ARMH3: variants seen among roughly 807,000 people sequenced by gnomAD.
ARMH3 encodes the protein armadillo-like helical domain-containing protein 3.
In ARMH3, 60 loss-of-function variants were observed where a neutral mutation model predicts 99.1. The observed-to-expected ratio is 0.61, with a 90% CI of 0.49 to 0.75. The LOEUF (loss-of-function observed/expected upper bound fraction) is 0.75, where lower values mean the gene tolerates loss of function less well. ARMH3 is among the 30% of genes least tolerant of loss of function. The pLI is 0.00. For missense variants in ARMH3, 679 were observed against 843.1 expected, an observed-to-expected ratio of 0.81 and a Z score of 2.41; for synonymous variants, 285 against 292.8, an observed-to-expected ratio of 0.97 and a Z score of 0.27.
intron 19 of ARMH3, among the ~76,000 whole-genome samples, chr10:101,982,216 AC>A (rs1471097428): frequency 6.7e-6 from 1 of 150,016 alleles, no homozygotes; most frequent in Non-Finnish European, 1.5e-5. Flanking sequence ...TGCCATCTCT[AC>A]CAAAAAAAAA....
chr10:101,936,018 C>T (rs1270260247), intron 23 of ARMH3, among the ~76,000 whole-genome samples: 7 of 152,142 alleles, frequency 4.6e-5, no homozygotes, highest in Non-Finnish European at 1.0e-4. Flanking sequence ...AGGCAGCACT[C>T]ATTACCATTG....
intron 8 of ARMH3, among the ~76,000 whole-genome samples, chr10:102,020,847 C>CAAA (rs1332174201): frequency 1.5e-5 from 1 of 67,596 alleles, no homozygotes; most frequent in Non-Finnish European, 2.9e-5. Flanking sequence ...GACTCTGTCT[C>CAAA]AAAAAAAAAA....
chr10:101,897,988 TG>T (rs2067880971), intron 23 of ARMH3, among the ~76,000 whole-genome samples: 1 of 152,152 alleles, frequency 6.6e-6, no homozygotes, highest in Non-Finnish European at 1.5e-5. Context: ...TTTTCCCAAG[TG>T]CCGGGTGGTT....
At chr10:102,034,932 A>T (rs1197597142) in intron 2 of ARMH3, among the ~76,000 whole-genome samples, 4 of 151,940 alleles carry the variant, frequency 2.6e-5, no homozygotes, top group East Asian at 2.0e-4. Flanking sequence ...AATAAATAAA[A>T]AATAAAAATA....
intron 18 of ARMH3, among the ~76,000 whole-genome samples, 187 bp from the exon 19 acceptor site, chr10:101,990,798 TGTAAA>T (rs1045702921): frequency 1.3e-5 from 2 of 152,198 alleles, no homozygotes; most frequent in African/African-American, 4.8e-5. Context: ...ACCTGCCACT[TGTAAA>T]GTAATAAGAA....
In ARMH3 at chr10:101,849,858, A is replaced by C; in HGVS notation, c.1895T>G (p.Leu632Arg). The change falls in exon 25 of 26, where the codon CTC becomes CGC. Residue 632 changes from leucine to arginine, a missense_variant. Around this residue, in one of 3 missense-constraint regions of ARMH3, gnomAD observed 389 missense variants for 456.5 expected, o/e 0.85. Coordinates refer to ENST00000370033, the MANE Select transcript of ARMH3 (RefSeq NM_024541.3). ...CAGGCCATCCTGCAGCTTCAGCGTG[A>C]GCGTGTCATAGTTGGCTCTCACCAC... ...LEVVRANYDT[L>R]TLKLQDGLDQ... 1 of 1,614,106 alleles carries C rather than the reference A, an allele frequency of 6.2e-7. No individual in the cohort carries two copies. Among genetic ancestry groups the C allele is most frequent in the Non-Finnish European group, 8.5e-7 (1 of 1,180,032 alleles).
chr10:101,963,618 A>T (rs949352393), intron 20 of ARMH3, among the ~76,000 whole-genome samples: 1 of 151,314 alleles, frequency 6.6e-6, no homozygotes, highest in African/African-American at 2.4e-5. Flanking sequence ...TTTGTTTTTG[A>T]GATGGAGTTT....
rs192625360 is a variant in ARMH3 at position 101,914,206 on chromosome 10, G to A, written c.1782-24716C>T. Among the ~76,000 whole-genome samples, 9 of 152,108 alleles carry A rather than the reference G, an allele frequency of 5.9e-5. No homozygotes were observed. In the East Asian group the frequency reaches 1.7e-3, roughly 29 times the overall value. On this transcript the variant is annotated intron_variant, in intron 23 of 25. Transcript: ENST00000370033. Reference sequence around the variant, plus strand: ...AACACAGGATTAAGATATGATACCCGAGCTGGGCGTGGTGGCTCACACCTG... The same window carrying A: ...AACACAGGATTAAGATATGATACCCAAGCTGGGCGTGGTGGCTCACACCTG...
chr10:101,963,347 G>A (rs985116990), intron 20 of ARMH3, among the ~76,000 whole-genome samples: 3 of 151,942 alleles, frequency 2.0e-5, no homozygotes, highest in Middle Eastern at 3.2e-3. Flanking sequence ...TAGCCAGGAT[G>A]GCCTCCATCT....
At chr10:101,876,742 ATGT>A (rs1293000595) in intron 24 of ARMH3, among the ~76,000 whole-genome samples, 1 of 152,194 alleles carries the variant, frequency 6.6e-6, no homozygotes, top group Admixed American at 6.5e-5. Flanking sequence ...CTGAGGGAAG[ATGT>A]TGCAGTGGAA....
At chr10:102,025,091 T>C in intron 6 of ARMH3, 65 bp downstream of exon 6, 1 of 1,318,656 alleles carries the variant, frequency 7.6e-7, no homozygotes, top group East Asian at 2.3e-5. Flanking sequence ...ATCTTTGGGC[T>C]CAAGTATTCA....
intron 1 of ARMH3, among the ~76,000 whole-genome samples, chr10:102,046,479 C>G (rs1432818835): frequency 6.6e-6 from 1 of 151,896 alleles, no homozygotes; most frequent in Non-Finnish European, 1.5e-5. Flanking sequence ...ATGGAGAAAC[C>G]CCATCTCTAC....
At chr10:101,943,187 C>A (rs1011363661) in intron 22 of ARMH3, among the ~76,000 whole-genome samples, 6 of 152,258 alleles carry the variant, frequency 3.9e-5, no homozygotes, top group East Asian at 1.9e-4. Flanking sequence ...AGAAAGCTGG[C>A]AAGGAGGGAG....
intron 23 of ARMH3, among the ~76,000 whole-genome samples, chr10:101,916,964 G>C (rs1843114329): frequency 6.6e-6 from 1 of 152,148 alleles, no homozygotes; most frequent in Non-Finnish European, 1.5e-5. Flanking sequence ...CAAGTTCTCA[G>C]TCCTTCAACC....
chr10:101,963,130 C>T (rs1313316526), intron 20 of ARMH3, among the ~76,000 whole-genome samples: 1 of 148,034 alleles, frequency 6.8e-6, no homozygotes, highest in Non-Finnish European at 1.5e-5. Flanking sequence ...TCACCATGCC[C>T]GGATAATTTT....
chr10:101,897,543 C>T (rs2067867298), intron 23 of ARMH3, among the ~76,000 whole-genome samples: 1 of 151,904 alleles, frequency 6.6e-6, no homozygotes, highest in African/African-American at 2.4e-5. Flanking sequence ...TCTGGCATTC[C>T]TTTTTTAAGT....
At chr10:101,982,924 G>A (rs997552279) in intron 19 of ARMH3, among the ~76,000 whole-genome samples, 5 of 151,980 alleles carry the variant, frequency 3.3e-5, no homozygotes, top group Non-Finnish European at 5.9e-5. Flanking sequence ...TAAATGTTAT[G>A]CACTTGGATC....
At chr10:101,974,269 C>A (rs1344246298) in intron 20 of ARMH3, among the ~76,000 whole-genome samples, 1 of 152,178 alleles carries the variant, frequency 6.6e-6, no homozygotes, top group East Asian at 1.9e-4. Flanking sequence ...GGGAGGAAAT[C>A]ATGTGTCACA....
At chr10:101,900,182 G>T (rs1271947259) in intron 23 of ARMH3, among the ~76,000 whole-genome samples, 4 of 152,126 alleles carry the variant, frequency 2.6e-5, no homozygotes, top group Non-Finnish European at 4.4e-5. Flanking sequence ...ACCTTACTCT[G>T]TTCTCTAGTG....
Sources: gnomAD v4.1 joint callset for allele counts (sites outside exome capture counted in the v4.1 genomes callset) on GRCh38, gnomAD v4.1.1 for gene constraint, gnomAD v4.1.1 regional missense constraint, MANE v1.5 for transcripts, NCBI Gene and HGNC (gene_info 2026-07-23, HGNC 2026-07-21) for gene names.